ASXL2: variants seen among roughly 807,000 people sequenced by gnomAD.
ASXL2 encodes the protein putative Polycomb group protein ASXL2.
Under a neutral mutation model 122.0 loss-of-function variants are expected in ASXL2, and 23 were observed. The observed-to-expected ratio is 0.19, with a 90% CI of 0.14 to 0.27. The LOEUF (loss-of-function observed/expected upper bound fraction) is 0.27, where lower values mean the gene tolerates loss of function less well. ASXL2 is among the 10% of genes least tolerant of loss of function. The probability of loss-of-function intolerance (pLI) is 1.00; values close to 1 mark genes in which losing one functional copy is unlikely to be tolerated. For synonymous variants in ASXL2, 650 were observed against 637.0 expected (o/e 1.02, Z -0.31); for missense variants, 1,518 against 1,713.8 (o/e 0.89, Z 2.02).
rs1262806844 is a variant in ASXL2, at chr2:25,735,456, A to G, written c.*6573T>C. The stretch of plus-strand genomic sequence containing the variant: ...AAGGAAAAGCCACTTCTACATTAGA[A>G]TAGAAAAGGACACAAAAGTAATTTT... On this transcript the variant is annotated 3_prime_UTR_variant, in exon 13 of 13. Coordinates refer to ENST00000435504, the MANE Select transcript of ASXL2 (RefSeq NM_018263.6). 1 of 152,230 alleles carries G rather than the reference A, an allele frequency of 6.6e-6. No individual in the cohort carries two copies. Among genetic ancestry groups the G allele is most frequent in the African/African-American group, 2.4e-5 (1 of 41,468 alleles). The allele number at this position is 152,230 out of a possible 1,614,324, so 9.4% of individuals were successfully genotyped here. A position where few individuals can be genotyped will look rare whatever the true frequency, so the allele number is the denominator to read the frequency against.
intron 1 of ASXL2, among the ~76,000 whole-genome samples, chr2:25,847,542 C>T (rs919487562): frequency 6.6e-6 from 1 of 152,202 alleles, no homozygotes; most frequent in African/African-American, 2.4e-5. Flanking sequence ...GGATATCCCA[C>T]ATGCATTTCA....
chr2:25,859,111 G>A (rs889791687), intron 1 of ASXL2, among the ~76,000 whole-genome samples: 2 of 151,732 alleles, frequency 1.3e-5, no homozygotes, highest in Non-Finnish European at 2.9e-5. Flanking sequence ...CACCACGCCT[G>A]GCCTTTTCTT....
In ASXL2 at chr2:25,738,187, A is replaced by G. The variant is rs1230061713; in HGVS notation, c.*3842T>C. On this transcript the variant is annotated 3_prime_UTR_variant, in exon 13 of 13. Transcript: ENST00000435504. ...ACTTTTTACAGATATTAAAATATATATTACTTAAAATATATTACTGGAAAG... is the reference window on the plus strand; with the variant it reads ...ACTTTTTACAGATATTAAAATATATGTTACTTAAAATATATTACTGGAAAG... The G allele has an allele frequency of 6.6e-6, 1 of 152,158 alleles. No homozygotes were observed. Among genetic ancestry groups the G allele is most frequent in the African/African-American group, 2.4e-5 (1 of 41,442 alleles). 9.4% of individuals were successfully genotyped at this position (152,158 alleles called of 1,614,324 possible). A position where few individuals can be genotyped will look rare whatever the true frequency, so the allele number is the denominator to read the frequency against.
At chr2:25,824,350 G>A (rs2089349709) in intron 3 of ASXL2, among the ~76,000 whole-genome samples, 1 of 152,128 alleles carries the variant, frequency 6.6e-6, no homozygotes, top group South Asian at 2.1e-4. Flanking sequence ...GGTAGTATGT[G>A]CAGGTGGTAT....
chr2:25,753,587 C>G lies in ASXL2; in HGVS notation c.1089G>C (p.Glu363Asp). Residue 363 changes from glutamate (E) to aspartate (D), a missense_variant, in exon 11 of 13, where the codon GAG (glutamate) becomes GAC (aspartate). By Grantham distance (45) the Glu-to-Asp change is conservative. Coordinates refer to ENST00000435504, the MANE Select transcript of ASXL2 (RefSeq NM_018263.6). ...GTTCTTTCCATGGCTCCACTTTTTT[C>G]TCCTTCTCAATCTCTTGTCGAATTC... is the stretch of plus-strand genomic sequence containing the variant. ...QVRIRQEIEK[E>D]KKVEPWKEQF... 6.2e-7 allele frequency: 1 copy of G among 1,613,466 alleles called. No homozygotes were observed. The highest frequency in any genetic ancestry group is 8.5e-7 in the Non-Finnish European group (1 of 1,179,722).
At chr2:25,782,443 A>C (rs529441144) in intron 5 of ASXL2, among the ~76,000 whole-genome samples, 46 of 152,068 alleles carry the variant, frequency 3.0e-4, no homozygotes, top group African/African-American at 1.1e-3. Flanking sequence ...CTACTCAGGA[A>C]GCTGAGGCAG....
At position 25,773,403 on chromosome 2, in the gene ASXL2, C is replaced by G. The variant is rs554811503; in HGVS notation, c.404-1863G>C. 3.9e-5 allele frequency among the ~76,000 whole-genome samples: 6 copies of G among 152,208 alleles called. No individual in the cohort carries two copies. The South Asian group carries it at 1.2e-3, about 32-fold the overall frequency. ...AGCCTTGGCCAGGCGCGGTGGCTCA[C>G]GCCTGTAATCCCAGCACTTTGGGAG... On this transcript the variant is annotated intron_variant, in intron 5 of 12. Coordinates refer to ENST00000435504, the MANE Select transcript of ASXL2 (RefSeq NM_018263.6).
At chr2:25,831,480 C>T (rs1454727913) in intron 3 of ASXL2, among the ~76,000 whole-genome samples, 9 of 152,062 alleles carry the variant, frequency 5.9e-5, no homozygotes, top group Non-Finnish European at 5.9e-5. Context: ...ATGATGAAAC[C>T]CTGCCTCTAC....
At chr2:25,839,678 A>C (rs978134389) in intron 2 of ASXL2, among the ~76,000 whole-genome samples, 1 of 138,240 alleles carries the variant, frequency 7.2e-6, no homozygotes, top group Non-Finnish European at 1.5e-5. Flanking sequence ...GCTGGAGTGC[A>C]GTGGCACGAT....
At chr2:25,837,971 A>C (rs886828720) in intron 2 of ASXL2, among the ~76,000 whole-genome samples, 13 of 151,536 alleles carry the variant, frequency 8.6e-5, no homozygotes, top group South Asian at 4.2e-4. Context: ...AAAAAAAAAA[A>C]ACACAAAAAA....
intron 3 of ASXL2, among the ~76,000 whole-genome samples, chr2:25,829,096 G>A (rs2089416971): frequency 6.6e-6 from 1 of 152,082 alleles, no homozygotes; most frequent in Non-Finnish European, 1.5e-5. Flanking sequence ...ATCTTATGAG[G>A]AATAGGAAAT....
chr2:25,793,943 T>G (rs1037855109), intron 5 of ASXL2, among the ~76,000 whole-genome samples: 4 of 152,052 alleles, frequency 2.6e-5, no homozygotes, highest in Non-Finnish European at 5.9e-5. Flanking sequence ...TGCTAAAACC[T>G]CCAATTCAGC....
At chr2:25,753,999 A>C (rs2088090408) in intron 10 of ASXL2, among the ~76,000 whole-genome samples, 1 of 152,332 alleles carries the variant, frequency 6.6e-6, no homozygotes, top group South Asian at 2.1e-4. Context: ...ATGTGCTTTC[A>C]ATAAACTATG....
At chr2:25,806,966 G>A (rs72801824) in intron 3 of ASXL2, among the ~76,000 whole-genome samples, 6,419 of 151,634 alleles carry the variant, frequency 0.042, 207 homozygotes, top group African/African-American at 0.08. Flanking sequence ...AGTTAATTTT[G>A]CACCAACCAA....
At chr2:25,826,073 A>G (rs963619207) in intron 3 of ASXL2, among the ~76,000 whole-genome samples, 4 of 152,194 alleles carry the variant, frequency 2.6e-5, no homozygotes, top group African/African-American at 9.7e-5. Flanking sequence ...AGCATTTCCA[A>G]TTATTCACAA....
intron 1 of ASXL2, among the ~76,000 whole-genome samples, chr2:25,857,737 CT>C (rs2089798249): frequency 6.6e-6 from 1 of 152,228 alleles, no homozygotes. Context: ...AGTCATCCAG[CT>C]TTCACTTTCC....
intron 3 of ASXL2, among the ~76,000 whole-genome samples, chr2:25,813,033 G>C (rs1030224655): frequency 6.6e-6 from 1 of 152,046 alleles, no homozygotes; most frequent in African/African-American, 2.4e-5. Context: ...AACAGAACTA[G>C]AAAGAGATTA....
chr2:25,868,691 T>C (rs2089929976), intron 1 of ASXL2, among the ~76,000 whole-genome samples: 1 of 152,198 alleles, frequency 6.6e-6, no homozygotes, highest in Non-Finnish European at 1.5e-5. Flanking sequence ...TGGCAAACAA[T>C]ACTTAATATA....
At chr2:25,772,823 A>G (rs1479964512) in intron 5 of ASXL2, among the ~76,000 whole-genome samples, 1 of 151,748 alleles carries the variant, frequency 6.6e-6, no homozygotes, top group Non-Finnish European at 1.5e-5. Context: ...TGGAGTATGC[A>G]AGTTTTGGAC....
Sources: gnomAD v4.1 joint callset for allele counts (sites outside exome capture counted in the v4.1 genomes callset) on GRCh38, gnomAD v4.1.1 for gene constraint, MANE v1.5 for transcripts, NCBI Gene and HGNC (gene_info 2026-07-23, HGNC 2026-07-21) for gene names.